The following ATG10 variants were observed in gnomAD, a reference collection of about 807,000 sequenced individuals.
ATG10 encodes ubiquitin-like-conjugating enzyme ATG10.
In ATG10, 30 loss-of-function variants were observed where a neutral mutation model predicts 32.1. That is an observed-to-expected ratio of 0.94 (90% confidence interval 0.70 to 1.27). ATG10 has a LOEUF of 1.27. Ranked by LOEUF, ATG10 falls within the 50% of genes most tolerant of loss-of-function variation. ATG10 has a pLI of 0.00. For synonymous variants in ATG10, 87 were observed against 91.5 expected, an observed-to-expected ratio of 0.95 and a Z score of 0.28; for missense variants, 233 against 262.3, an observed-to-expected ratio of 0.89 and a Z score of 0.77.
chr5:82,094,399 A>G (rs964377264), intron 3 of ATG10, among the ~76,000 whole-genome samples: 5 of 152,118 alleles, frequency 3.3e-5, no homozygotes, highest in African/African-American at 9.7e-5. Context: ...GCATTTTACC[A>G]TATTACTAAT....
At chr5:82,135,157 A>C (rs997349429) in intron 3 of ATG10, among the ~76,000 whole-genome samples, 6 of 151,854 alleles carry the variant, frequency 4.0e-5, no homozygotes, top group African/African-American at 1.5e-4. Context: ...CTATTTTGTT[A>C]ATCTTTTCAG....
At chr5:82,049,428 A>C (rs1227547452) in intron 2 of ATG10, among the ~76,000 whole-genome samples, 2 of 150,892 alleles carry the variant, frequency 1.3e-5, no homozygotes, top group African/African-American at 4.9e-5. Flanking sequence ...GAGGGAAAGC[A>C]CTGGGAGATA....
chr5:82,132,094 T>G (rs899636682), intron 3 of ATG10, among the ~76,000 whole-genome samples: 1 of 152,044 alleles, frequency 6.6e-6, no homozygotes, highest in Non-Finnish European at 1.5e-5. Flanking sequence ...AGGACCCACC[T>G]CCAACATTAG....
intron 2 of ATG10, among the ~76,000 whole-genome samples, chr5:82,012,802 T>C (rs1762163288): frequency 6.6e-6 from 1 of 151,880 alleles, no homozygotes; most frequent in African/African-American, 2.4e-5. Flanking sequence ...ATTACAGTCA[T>C]GTGCCACCAT....
intron 2 of ATG10, among the ~76,000 whole-genome samples, chr5:82,044,907 T>A (rs1763191237): frequency 2.6e-5 from 4 of 152,218 alleles, no homozygotes; most frequent in Admixed American, 1.3e-4. Context: ...CTGAGGATCT[T>A]GAGAATTATT....
intron 3 of ATG10, among the ~76,000 whole-genome samples, chr5:82,120,117 A>G (rs1765988890): frequency 6.6e-6 from 1 of 152,168 alleles, no homozygotes; most frequent in Admixed American, 6.5e-5. Flanking sequence ...CCTTGTAAAT[A>G]TACTCTGTCA....
At chr5:82,029,470 A>G (rs1198042848) in intron 2 of ATG10, among the ~76,000 whole-genome samples, 4 of 152,250 alleles carry the variant, frequency 2.6e-5, no homozygotes, top group Admixed American at 2.6e-4. Context: ...TATGACAACC[A>G]GAAGGCTGAG....
intron 3 of ATG10, among the ~76,000 whole-genome samples, chr5:82,158,908 G>T (rs1767915475): frequency 1.3e-5 from 2 of 152,134 alleles, no homozygotes; most frequent in South Asian, 4.2e-4. Flanking sequence ...CCGCTTTATT[G>T]GTGTGGGAGA....
chr5:82,061,988 C>G (rs1406129051), intron 3 of ATG10, among the ~76,000 whole-genome samples: 1 of 151,482 alleles, frequency 6.6e-6, no homozygotes, highest in African/African-American at 2.4e-5. Context: ...CACCACCATG[C>G]CTAGCTGATT....
At chr5:82,202,497 CTT>C (rs1745106836) in intron 5 of ATG10, among the ~76,000 whole-genome samples, 2 of 152,196 alleles carry the variant, frequency 1.3e-5, no homozygotes, top group Non-Finnish European at 2.9e-5. Context: ...CTGTCTCTCT[CTT>C]TCTTTACCTG....
chr5:82,204,027 A>G lies in ATG10; in HGVS notation c.453+25440A>G, dbSNP rs1745188156. Among the ~76,000 whole-genome samples, 4 of 152,344 alleles carry G rather than the reference A, an allele frequency of 2.6e-5. No individual in the cohort carries two copies. In the South Asian group the frequency reaches 8.3e-4, roughly 32 times the overall value. On this transcript the variant is annotated intron_variant, in intron 5 of 7. Coordinates refer to ENST00000282185, the MANE Select transcript of ATG10 (RefSeq NM_031482.5). ...GGAGACAACAATAAACAAAAGAAGTAAATTATATTGTATGATAGAACATGA... is the reference window on the plus strand; with the variant it reads ...GGAGACAACAATAAACAAAAGAAGTGAATTATATTGTATGATAGAACATGA...
At chr5:82,241,505 C>A (rs770556989) in intron 5 of ATG10, among the ~76,000 whole-genome samples, 1 of 152,156 alleles carries the variant, frequency 6.6e-6, no homozygotes, top group African/African-American at 2.4e-5. Flanking sequence ...TTGGCTAGCT[C>A]TCTGGTCTTA....
At position 82,206,733 on chromosome 5, in the gene ATG10, C is replaced by A. The variant is rs1003626006; in HGVS notation, c.453+28146C>A. ...TTATCACACAACTCAATGATTCCAT[C>A]TGTGTAGCCCAGTCAAGAAACAGAA... On this transcript the variant is annotated intron_variant, in intron 5 of 7. Transcript: ENST00000282185. Among the ~76,000 whole-genome samples the A allele has an allele frequency of 2.0e-5, 3 of 152,172 alleles. No homozygotes were observed. In the East Asian group the frequency reaches 5.8e-4, roughly 29 times the overall value.
intron 2 of ATG10, among the ~76,000 whole-genome samples, chr5:82,010,783 C>A (rs1581595188): frequency 1.3e-5 from 2 of 152,126 alleles, no homozygotes; most frequent in Admixed American, 1.3e-4. Context: ...TTTATGGCTT[C>A]ATTTTGGTCA....
chr5:81,979,689 C>A (rs1581559057), intron 1 of ATG10, among the ~76,000 whole-genome samples: 1 of 123,824 alleles, frequency 8.1e-6, no homozygotes, highest in Admixed American at 8.2e-5. Flanking sequence ...GTAGGTAAAC[C>A]TTTTTTTTTT....
intron 2 of ATG10, among the ~76,000 whole-genome samples, chr5:82,025,099 C>G (rs923654404): frequency 1.3e-5 from 2 of 152,196 alleles, no homozygotes; most frequent in Non-Finnish European, 2.9e-5. Flanking sequence ...GCATGAATGA[C>G]AAGTTTCATT....
At chr5:82,061,650 T>C (rs1033859356) in intron 3 of ATG10, among the ~76,000 whole-genome samples, 2 of 149,702 alleles carry the variant, frequency 1.3e-5, no homozygotes, top group African/African-American at 4.9e-5. Context: ...AATTGATTAA[T>C]TATATGTGTA....
At chr5:82,091,288 T>TC (rs1459180780) in intron 3 of ATG10, among the ~76,000 whole-genome samples, 1 of 152,174 alleles carries the variant, frequency 6.6e-6, no homozygotes. Flanking sequence ...CAGGCTGGAC[T>TC]CCAATTCCTG....
intron 3 of ATG10, among the ~76,000 whole-genome samples, chr5:82,098,309 T>C (rs1029085225): frequency 1.2e-5 from 1 of 82,188 alleles, no homozygotes; most frequent in South Asian, 3.6e-4. Context: ...TGTTGTTGGG[T>C]TTTTTTTTTT....
Sources: allele counts gnomAD v4.1 joint callset (sites outside exome capture counted in the v4.1 genomes callset), GRCh38; gene constraint gnomAD v4.1.1; transcripts MANE v1.5; gene names NCBI Gene and HGNC (gene_info 2026-07-23, HGNC 2026-07-21).